The following GXYLT1 variants were observed in gnomAD, a reference collection of about 807,000 sequenced individuals.
GXYLT1 encodes glycosyltransferase 8 domain containing 3.
A neutral mutation model predicts 54.0 loss-of-function variants in GXYLT1; 29 were observed. That is an observed-to-expected ratio of 0.54 (90% CI 0.40 to 0.73). The LOEUF (loss-of-function observed/expected upper bound fraction) is 0.73. Ranked by LOEUF, GXYLT1 falls within the 30% of genes least tolerant of loss-of-function variation. The probability of loss-of-function intolerance (pLI) is 0.00; values close to 1 mark genes in which losing one functional copy is unlikely to be tolerated. For missense variants in GXYLT1, 490 were observed against 553.4 expected (o/e 0.89, Z 1.15); for synonymous variants, 176 against 204.1 (o/e 0.86, Z 1.17).
rs187100423 is a variant in GXYLT1, at chr12:42,120,392, A to G, written c.315-1221T>C. On this transcript the variant is annotated intron_variant, in intron 2 of 7. Transcript: ENST00000398675. ...ATGGTCTAAAACATGCTAGTCAAAC[A>G]CTAGTATGTCTTTAGAATCTACTTC... 2.5e-3 allele frequency among the ~76,000 whole-genome samples: 377 copies of G among 152,316 alleles called. 1 individual carries two copies. The highest frequency in any genetic ancestry group is 8.5e-3 in the African/African-American group (354 of 41,566).
Position 42,138,970 on chromosome 12 carries a change from G to A in GXYLT1, c.221+5456C>T, listed in dbSNP as rs575852994. ...GGAGAACTGCTTGAACCCGGGAGGC[G>A]GAGGTTGCACTGAGCCAAGATCATG... On this transcript the variant is annotated intron_variant, in intron 1 of 7. Coordinates refer to ENST00000398675, the MANE Select transcript of GXYLT1 (RefSeq NM_173601.2). Among the ~76,000 whole-genome samples, 59 of 152,170 alleles carry A rather than the reference G, an allele frequency of 3.9e-4. 1 individual carries two copies. In the South Asian group the frequency reaches 0.012, roughly 32 times the overall value.
chr12:42,144,605 G>A lies in GXYLT1; in HGVS notation c.42C>T (p.Cys14=). ...YLRVVVLCVA[C]GFCSLLYAFS... is the part of the protein sequence containing the mutation. Reference sequence around the variant, plus strand: ...AAGCGTAAAGGAGCGAGCAGAAGCCGCAGGCCACACACAGCACCACGACGC... The same window carrying A: ...AAGCGTAAAGGAGCGAGCAGAAGCCACAGGCCACACACAGCACCACGACGC... The change falls in exon 1 of 8, where the codon TGC becomes TGT. Residue 14 remains cysteine (C), a synonymous_variant. Transcript: ENST00000398675. The A allele has an allele frequency of 2.0e-6, 3 of 1,476,534 alleles. No homozygotes were observed. The South Asian group carries it at 3.9e-5, about 19-fold the overall frequency. 91.5% of individuals were successfully genotyped at this position (1,476,534 alleles called of 1,614,324 possible). A position where few individuals can be genotyped will look rare whatever the true frequency, so the allele number is the denominator to read the frequency against.
At chr12:42,092,008 T>C (rs1423633036) in intron 7 of GXYLT1, among the ~76,000 whole-genome samples, 1 of 152,180 alleles carries the variant, frequency 6.6e-6, no homozygotes, top group African/African-American at 2.4e-5. Context: ...TGGAAAACTC[T>C]TACTCATTCT....
chr12:42,142,809 T>C lies in GXYLT1; in HGVS notation c.221+1617A>G, dbSNP rs761421220. On this transcript the variant is annotated intron_variant, in intron 1 of 7. Transcript: ENST00000398675. ...GTTCCCCTGCCCAAATGGTTTCTTA[T>C]GCGCGCAAATGTGGTGACATGCTGT... Among the ~76,000 whole-genome samples the C allele has an allele frequency of 5.3e-5, 8 of 152,180 alleles. No individual in the cohort carries two copies. In the East Asian group the frequency reaches 5.8e-4, roughly 11 times the overall value.
At chr12:42,108,731 A>G (rs1166528324) in intron 4 of GXYLT1, among the ~76,000 whole-genome samples, 1 of 152,160 alleles carries the variant, frequency 6.6e-6, no homozygotes, top group African/African-American at 2.4e-5. Context: ...TCAATAAACC[A>G]TATTCTTAAT....
chr12:42,117,070 T>G (rs924863211), intron 3 of GXYLT1, among the ~76,000 whole-genome samples: 1 of 144,982 alleles, frequency 6.9e-6, no homozygotes, highest in African/African-American at 2.6e-5. Flanking sequence ...TAGGTGGGAA[T>G]TGAACAATGA....
chr12:42,139,437 G>A (rs938302245), intron 1 of GXYLT1, among the ~76,000 whole-genome samples: 1 of 152,056 alleles, frequency 6.6e-6, no homozygotes, highest in Non-Finnish European at 1.5e-5. Context: ...AGATGATTAG[G>A]TCATGAGAGC....
Position 42,129,147 on chromosome 12 carries a change from T to C in GXYLT1, c.314+612A>G, listed in dbSNP as rs190967430. Among the ~76,000 whole-genome samples, 474 of 152,298 alleles carry C rather than the reference T, an allele frequency of 3.1e-3. 1 individual carries two copies. The highest frequency in any genetic ancestry group is 0.011 in the African/African-American group (454 of 41,552). On this transcript the variant is annotated intron_variant, in intron 2 of 7. Coordinates refer to ENST00000398675, the MANE Select transcript of GXYLT1 (RefSeq NM_173601.2). ...TTCTTATCAATACCTGTTTCTTTCA[T>C]TCTAGATTAGAGCAGGAAGGGACCT...
chr12:42,091,954 C>A (rs1331689665), intron 7 of GXYLT1, among the ~76,000 whole-genome samples: 2 of 152,192 alleles, frequency 1.3e-5, no homozygotes, highest in African/African-American at 2.4e-5. Context: ...AGCCTCTGAA[C>A]CTTTTTCTCA....
At chr12:42,091,772 T>C (rs923553672) in intron 7 of GXYLT1, among the ~76,000 whole-genome samples, 2 of 152,176 alleles carry the variant, frequency 1.3e-5, no homozygotes, top group Non-Finnish European at 2.9e-5. Flanking sequence ...TACCACCAAG[T>C]TTAAGAAACA....
chr12:42,109,040 G>C (rs1369848180), intron 4 of GXYLT1, among the ~76,000 whole-genome samples: 1 of 152,022 alleles, frequency 6.6e-6, no homozygotes, highest in Non-Finnish European at 1.5e-5. Context: ...CATTACCAAA[G>C]AACAGCCCCA....
intron 1 of GXYLT1, among the ~76,000 whole-genome samples, chr12:42,135,014 A>C (rs566718087): frequency 7.9e-5 from 12 of 152,234 alleles, no homozygotes; most frequent in Non-Finnish European, 1.6e-4. Flanking sequence ...ATACAACCCT[A>C]TTCATTACCA....
At position 42,106,049 on chromosome 12, in the gene GXYLT1, GTCAACTTCTT is replaced by G; in HGVS notation, c.623_632del (p.Lys208ThrfsTer23). Reference sequence around the variant, plus strand: ...TATCAGTGTCGACATACAATAGTGAGTCAACTTCTTTCAGGATTAACTACAAGGAGAGATA... The same window carrying G: ...TATCAGTGTCGACATACAATAGTGAGTCAGGATTAACTACAAGGAGAGATA... On this transcript the variant is annotated frameshift_variant, in exon 5 of 8. Coordinates refer to ENST00000398675, the MANE Select transcript of GXYLT1 (RefSeq NM_173601.2). LOFTEE classifies it high-confidence loss of function. The G allele has an allele frequency of 1.2e-6, 2 of 1,606,106 alleles. No individual in the cohort carries two copies. Among genetic ancestry groups the G allele is most frequent in the Non-Finnish European group, 1.7e-6 (2 of 1,173,414 alleles).
intron 7 of GXYLT1, among the ~76,000 whole-genome samples, chr12:42,091,147 T>C (rs2065326755): frequency 6.6e-6 from 1 of 152,166 alleles, no homozygotes. Flanking sequence ...TAAGGAAATA[T>C]AAAAACACTA....
At chr12:42,129,443 C>A (rs576551544) in intron 2 of GXYLT1, among the ~76,000 whole-genome samples, 1 of 152,220 alleles carries the variant, frequency 6.6e-6, no homozygotes, top group Admixed American at 6.5e-5. Flanking sequence ...ATAGATATAT[C>A]TGTAAACGTC....
At chr12:42,108,241 T>C (rs1233178379) in intron 4 of GXYLT1, among the ~76,000 whole-genome samples, 2 of 152,220 alleles carry the variant, frequency 1.3e-5, no homozygotes, top group African/African-American at 4.8e-5. Context: ...GTTAACAAAG[T>C]GCCATGGTGC....
chr12:42,100,836 C>T (rs1441521919), intron 5 of GXYLT1, among the ~76,000 whole-genome samples: 1 of 151,898 alleles, frequency 6.6e-6, no homozygotes, highest in African/African-American at 2.4e-5. Flanking sequence ...ACTGGTGGAG[C>T]CCTTGTACAA....
chr12:42,114,775 T>A (rs1369262621), intron 3 of GXYLT1, among the ~76,000 whole-genome samples: 2 of 152,194 alleles, frequency 1.3e-5, no homozygotes, highest in Non-Finnish European at 2.9e-5. Context: ...CCCTAACTCA[T>A]TTTATGAGGC....
intron 3 of GXYLT1, among the ~76,000 whole-genome samples, chr12:42,110,613 G>A (rs948960254): frequency 3.9e-5 from 6 of 152,150 alleles, no homozygotes; most frequent in African/African-American, 1.2e-4. Flanking sequence ...GCAGTAACAT[G>A]ATTATGGTTC....
Sources: allele counts gnomAD v4.1 joint callset (sites outside exome capture counted in the v4.1 genomes callset), GRCh38; gene constraint gnomAD v4.1.1; transcripts MANE v1.5; gene names NCBI Gene and HGNC (gene_info 2026-07-23, HGNC 2026-07-21).